TRMT2B: variants seen among roughly 807,000 people sequenced by gnomAD.
TRMT2B encodes the protein tRNA methyltransferase 2B.
A neutral mutation model predicts 39.7 loss-of-function variants in TRMT2B; 34 were observed. The observed-to-expected ratio is 0.86, with a 90% CI of 0.65 to 1.14. The LOEUF is 1.14. Among genes scored for constraint, TRMT2B ranks in the 50% most tolerant of loss-of-function variants. TRMT2B has a pLI of 0.00. For synonymous variants in TRMT2B, 132 were observed against 137.3 expected, an observed-to-expected ratio of 0.96 and a Z score of 0.27; for missense variants, 318 against 377.2, an observed-to-expected ratio of 0.84 and a Z score of 1.30.
chrX:100,991,901 A>G, the TRMT2B span, among the ~76,000 whole-genome samples: 1 of 103,110 alleles, frequency 9.7e-6, no homozygotes, highest in Non-Finnish European at 2.0e-5. Context: ...CAGTTTCCAG[A>G]GGACAGGAAA....
At chrX:100,985,578 G>A in the TRMT2B span, 4 of 1,059,004 alleles carry the variant, frequency 3.8e-6, no homozygotes, top group Non-Finnish European at 3.8e-6. Context: ...ATAGACAACT[G>A]CATGAAATCG....
chrX:100,996,565 C>T, the TRMT2B span, among the ~76,000 whole-genome samples: 2 of 111,705 alleles, frequency 1.8e-5, no homozygotes, highest in Non-Finnish European at 3.8e-5. Flanking sequence ...TGGCCTGGAT[C>T]GTTCCTCTTC....
At chrX:101,014,680 T>C (rs66523422) in intron 13 of TRMT2B, among the ~76,000 whole-genome samples, 24,426 of 109,445 alleles carry the variant, frequency 0.22, 2,300 homozygotes, top group African/African-American at 0.33. Context: ...CCTGGGACTA[T>C]AGGCACATTA....
chrX:101,018,315 C>A (rs757973594), intron 13 of TRMT2B, among the ~76,000 whole-genome samples: 3 of 110,393 alleles, frequency 2.7e-5, no homozygotes, highest in Non-Finnish European at 3.8e-5. Flanking sequence ...TGTGCTCAAC[C>A]TGGGTGACAG....
At chrX:101,016,943 G>A (rs2086557994) in intron 13 of TRMT2B, among the ~76,000 whole-genome samples, 1 of 111,580 alleles carries the variant, frequency 9.0e-6, no homozygotes, top group South Asian at 3.7e-4. Flanking sequence ...GGGAGGCCAA[G>A]GTGGGCGGGT....
chrX:100,977,770 G>A, the TRMT2B span, among the ~76,000 whole-genome samples: 2 of 112,163 alleles, frequency 1.8e-5, no homozygotes, highest in African/African-American at 6.5e-5. Flanking sequence ...TTATCTTTCT[G>A]TGCCTGGCTT....
At chrX:101,008,622 C>A (rs2086146392), downstream of TRMT2B, among the ~76,000 whole-genome samples, 1 of 111,345 alleles carries the variant, frequency 9.0e-6, no homozygotes, top group Admixed American at 9.6e-5. Context: ...GGATCCATCT[C>A]AAAAAAATAA....
At chrX:101,020,707 T>TTTA in intron 10 of TRMT2B, 119 bp from the exon 11 acceptor site, 1 of 580,821 alleles carries the variant, frequency 1.7e-6, no homozygotes, top group Non-Finnish European at 2.8e-6. Flanking sequence ...TCTCACTCTG[T>TTTA]AGCCTAGGCT....
chrX:100,990,452 C>T, the TRMT2B span: 2 of 985,200 alleles, frequency 2.0e-6, no homozygotes, highest in Admixed American at 5.3e-5. Context: ...CAGGACTACC[C>T]GGTTTTTAAA....
At chrX:100,985,976 A>C in the TRMT2B span, 4 of 1,139,081 alleles carry the variant, frequency 3.5e-6, no homozygotes, top group Non-Finnish European at 4.7e-6. Context: ...AAAAGTATAG[A>C]AATGAAGGGT....
At chrX:101,015,758 T>A (rs1225950967) in intron 13 of TRMT2B, 3 of 241,031 alleles carry the variant, frequency 1.2e-5, no homozygotes, top group East Asian at 2.4e-4. Context: ...ATGATTTTTT[T>A]AATAGTCTTA....
rs2088192682 is a variant in TRMT2B at position 101,040,940 on chromosome X, T to G, written c.303+377A>C. 3.6e-5 allele frequency among the ~76,000 whole-genome samples: 4 copies of G among 111,848 alleles called. No individual in the cohort carries two copies. The South Asian group carries it at 1.1e-3, about 31-fold the overall frequency. ...ACTGTCCAGTCAAGGCCCGGCGCGGTGGCTCACACCTGTAATCCCAGCACT... is the reference window on the plus strand; with the variant it reads ...ACTGTCCAGTCAAGGCCCGGCGCGGGGGCTCACACCTGTAATCCCAGCACT... On this transcript the variant is annotated intron_variant, in intron 4 of 13. Coordinates refer to ENST00000372936, the MANE Select transcript of TRMT2B (RefSeq NM_024917.6).
intron 3 of TRMT2B, among the ~76,000 whole-genome samples, chrX:101,041,722 T>C (rs1430164547): frequency 8.9e-6 from 1 of 112,100 alleles, no homozygotes; most frequent in African/African-American, 3.2e-5. Flanking sequence ...GCAATGGGCC[T>C]ACTCATCTCT....
chrX:100,990,414 T>C, the TRMT2B span: 1 of 949,312 alleles, frequency 1.1e-6, no homozygotes, highest in South Asian at 5.7e-5. Flanking sequence ...ATCCCTCCCT[T>C]AGCAAACAGG....
At chrX:100,988,388 C>T in the TRMT2B span, 10 of 1,205,122 alleles carry the variant, frequency 8.3e-6, no homozygotes, top group South Asian at 1.8e-5. Flanking sequence ...AAAGAAGGTA[C>T]GAGATTATGG....
intron 13 of TRMT2B, among the ~76,000 whole-genome samples, chrX:101,015,811 T>G (rs2086482765): frequency 9.0e-6 from 1 of 111,106 alleles, no homozygotes; most frequent in Non-Finnish European, 1.9e-5. Flanking sequence ...TGGCTCAGCC[T>G]GTAATCCCAA....
At chrX:100,988,880 A>ATATATATATATATATATATC in the TRMT2B span, among the ~76,000 whole-genome samples, 1 of 91,825 alleles carries the variant, frequency 1.1e-5, no homozygotes, top group South Asian at 5.2e-4. Context: ...ATATATATAT[A>ATATATATATATATATATATC]TCAAGAATTT....
intron 2 of TRMT2B, among the ~76,000 whole-genome samples, chrX:101,048,050 C>G (rs1358036211): frequency 2.8e-5 from 3 of 109,032 alleles, no homozygotes; most frequent in African/African-American, 1.0e-4. Flanking sequence ...CCCTTAAGCT[C>G]TACCTTGGAT....
chrX:101,003,572 AC>A, the TRMT2B span, among the ~76,000 whole-genome samples: 54 of 109,568 alleles, frequency 4.9e-4, no homozygotes, highest in African/African-American at 1.8e-3. Context: ...CTGGTCTTGA[AC>A]TCCTGACATC....
Sources: allele counts gnomAD v4.1 joint callset (sites outside exome capture counted in the v4.1 genomes callset), GRCh38; gene constraint gnomAD v4.1.1; transcripts MANE v1.5; gene names NCBI Gene and HGNC (gene_info 2026-07-23, HGNC 2026-07-21).